AGPS: variants seen among roughly 807,000 people sequenced by gnomAD.
AGPS encodes the protein alkyldihydroxyacetonephosphate synthase, peroxisomal.
AGPS carries 26 observed loss-of-function variants against 90.7 expected under a neutral mutation model. The ratio of observed to expected loss-of-function variants is 0.29; its 90% confidence interval spans 0.21 to 0.40. The LOEUF is 0.40. AGPS is among the 10% of genes least tolerant of loss of function. The pLI is 1.00. For synonymous variants in AGPS, 294 were observed against 285.3 expected (o/e 1.03, Z -0.31); for missense variants, 540 against 816.1 (o/e 0.66, Z 4.12).
intron 7 of AGPS, among the ~76,000 whole-genome samples, chr2:177,443,423 G>T (rs1355581305): frequency 3.9e-5 from 6 of 152,108 alleles, no homozygotes; most frequent in African/African-American, 1.2e-4. Context: ...AGTATAGAAT[G>T]TCATATTTTG....
At chr2:177,436,228 T>C (rs1686408375) in intron 3 of AGPS, among the ~76,000 whole-genome samples, 1 of 143,442 alleles carries the variant, frequency 7.0e-6, no homozygotes, top group Non-Finnish European at 1.5e-5. Context: ...CTCGGCTCAC[T>C]GCAAGCTCTG....
At chr2:177,440,858 G>A (rs1227454342) in intron 5 of AGPS, 107 bp from the exon 6 acceptor site, 2 of 899,836 alleles carry the variant, frequency 2.2e-6, no homozygotes, top group East Asian at 4.9e-5. Flanking sequence ...ATGAGCAAAT[G>A]AATGAAGGAA....
chr2:177,448,735 A>G (rs953410834), intron 8 of AGPS, among the ~76,000 whole-genome samples: 4 of 152,206 alleles, frequency 2.6e-5, no homozygotes, highest in African/African-American at 7.2e-5. Flanking sequence ...AAGTTTCGAC[A>G]TATGAATATA....
At chr2:177,514,734 T>G (rs149029926) in intron 17 of AGPS, among the ~76,000 whole-genome samples, 10 of 152,110 alleles carry the variant, frequency 6.6e-5, no homozygotes, top group African/African-American at 2.2e-4. Context: ...TCCTTATTGT[T>G]CCCATTGGGA....
intron 14 of AGPS, among the ~76,000 whole-genome samples, chr2:177,501,281 C>T (rs1343563194): frequency 6.6e-6 from 1 of 152,090 alleles, no homozygotes; most frequent in Non-Finnish European, 1.5e-5. Flanking sequence ...TGTACACACA[C>T]CCACACACAG....
At chr2:177,511,169 G>T (rs891184837) in intron 16 of AGPS, among the ~76,000 whole-genome samples, 1 of 152,020 alleles carries the variant, frequency 6.6e-6, no homozygotes, top group South Asian at 2.1e-4. Flanking sequence ...CGCTTATCAC[G>T]GCTCACTGCA....
At chr2:177,464,396 G>A (rs1386736202) in intron 9 of AGPS, among the ~76,000 whole-genome samples, 1 of 152,122 alleles carries the variant, frequency 6.6e-6, no homozygotes, top group East Asian at 1.9e-4. Context: ...AAAAATTAAA[G>A]AACGTGTTAA....
In AGPS at chr2:177,540,053, A is replaced by ATATATATATATATATG. The variant is rs886055179; in HGVS notation, c.*1859_*1860insATATATATATATATGT. 1 of 99,032 alleles carries ATATATATATATATATG rather than the reference A, an allele frequency of 1.0e-5. No homozygotes were observed. The highest frequency in any genetic ancestry group is 3.3e-5 in the African/African-American group (1 of 30,610). The allele number at this position is 99,032 out of a possible 1,614,324, so 6.1% of individuals were successfully genotyped here. A position where few individuals can be genotyped will look rare whatever the true frequency, so the allele number is the denominator to read the frequency against. ...GAAGTATATATATATATATATATAT[A>ATATATATATATATATG]TGTATGCATGTGTGTGTGTGTATAT... On this transcript the variant is annotated 3_prime_UTR_variant, in exon 20 of 20. Coordinates refer to ENST00000264167, the MANE Select transcript of AGPS (RefSeq NM_003659.4).
chr2:177,500,598 C>G (rs1688535387), intron 14 of AGPS, among the ~76,000 whole-genome samples: 1 of 151,278 alleles, frequency 6.6e-6, no homozygotes, highest in African/African-American at 2.4e-5. Flanking sequence ...CTAGGGTTGT[C>G]TGAATTTAGT....
At chr2:177,522,393 G>C (rs946308771) in intron 18 of AGPS, among the ~76,000 whole-genome samples, 1 of 152,122 alleles carries the variant, frequency 6.6e-6, no homozygotes, top group African/African-American at 2.4e-5. Context: ...ATTTGTTAGA[G>C]GATATAAATT....
intron 16 of AGPS, among the ~76,000 whole-genome samples, chr2:177,509,733 T>G (rs1000800884): frequency 2.6e-5 from 4 of 151,714 alleles, no homozygotes; most frequent in African/African-American, 9.7e-5. Context: ...TTTTTTAGTA[T>G]GAAATTAGTT....
intron 8 of AGPS, among the ~76,000 whole-genome samples, chr2:177,450,170 T>C (rs1686896992): frequency 6.6e-6 from 1 of 152,198 alleles, no homozygotes. Flanking sequence ...GTTGTTTTCT[T>C]ATTATTGAGT....
At chr2:177,434,200 G>C (rs1407025295) in intron 2 of AGPS, 127 bp from the exon 3 acceptor site, 5 of 697,948 alleles carry the variant, frequency 7.2e-6, no homozygotes, top group African/African-American at 1.8e-5. Flanking sequence ...TTCGTTCAGA[G>C]TTTATAGTTA....
chr2:177,436,203 G>A (rs952816211), intron 3 of AGPS, among the ~76,000 whole-genome samples: 3 of 122,716 alleles, frequency 2.4e-5, no homozygotes, highest in Admixed American at 2.3e-4. Context: ...TCGCTCTGGA[G>A]TGCCGTGGTA....
chr2:177,404,528 T>A (rs910418566), intron 1 of AGPS, among the ~76,000 whole-genome samples: 1 of 152,158 alleles, frequency 6.6e-6, no homozygotes, highest in South Asian at 2.1e-4. Flanking sequence ...TTCACAATAC[T>A]CATTAGTGTA....
At chr2:177,533,983 A>G (rs2079161499) in intron 19 of AGPS, among the ~76,000 whole-genome samples, 1 of 152,200 alleles carries the variant, frequency 6.6e-6, no homozygotes, top group Non-Finnish European at 1.5e-5. Flanking sequence ...ACCTTCAATG[A>G]TCTTCTAAAT....
chr2:177,441,939 A>G (rs1011924403), intron 6 of AGPS, among the ~76,000 whole-genome samples: 5 of 152,212 alleles, frequency 3.3e-5, no homozygotes, highest in African/African-American at 4.8e-5. Context: ...TTTCTATTCT[A>G]ATTTATTAAA....
intron 19 of AGPS, among the ~76,000 whole-genome samples, chr2:177,529,495 G>C (rs1016386405): frequency 1.3e-5 from 2 of 151,964 alleles, no homozygotes; most frequent in African/African-American, 4.8e-5. Context: ...AAAGAAAAAA[G>C]GCAGTAGTCT....
At chr2:177,442,705 A>G (rs1273031226) in intron 7 of AGPS, among the ~76,000 whole-genome samples, 1 of 151,024 alleles carries the variant, frequency 6.6e-6, no homozygotes, top group Non-Finnish European at 1.5e-5. Flanking sequence ...AAATTAACCG[A>G]GTGTGGTGGT....
Sources: allele counts gnomAD v4.1 joint callset (sites outside exome capture counted in the v4.1 genomes callset), GRCh38; gene constraint gnomAD v4.1.1; transcripts MANE v1.5; gene names NCBI Gene and HGNC (gene_info 2026-07-23, HGNC 2026-07-21).